SLC30A1: variants seen among roughly 807,000 people sequenced by gnomAD.
SLC30A1 encodes the protein proton-coupled zinc antiporter SLC30A1.
SLC30A1 carries 7 observed loss-of-function variants against 29.8 expected under a neutral mutation model. That is an observed-to-expected ratio of 0.23 (90% CI 0.13 to 0.44). The LOEUF (loss-of-function observed/expected upper bound fraction) is 0.44, where lower values mean the gene tolerates loss of function less well. SLC30A1 is among the 20% of genes least tolerant of loss of function. The pLI is 1.00. For synonymous variants in SLC30A1, 254 were observed against 253.5 expected, an observed-to-expected ratio of 1.00 and a Z score of -0.02; for missense variants, 446 against 647.9, an observed-to-expected ratio of 0.69 and a Z score of 3.38.
rs928076554 is a variant in SLC30A1 at position 211,578,257 on chromosome 1, A to AC, written c.355dup (p.Val119GlyfsTer48). ...GTTGACCAGCAGCCCGGCCACGCCG[A>AC]CCCCAAGGACCACCAGCGGCTGCTG... On this transcript the variant is annotated frameshift_variant, in exon 1 of 2. Transcript: ENST00000367001. LOFTEE classifies it high-confidence loss of function. 4 of 1,612,240 alleles carry AC rather than the reference A, an allele frequency of 2.5e-6. No individual in the cohort carries two copies. Among genetic ancestry groups the AC allele is most frequent in the East Asian group, 2.2e-5 (1 of 44,818 alleles).
rs1706664606 is a variant in SLC30A1, at chr1:211,572,300, TTAAAA to T, written c.*3083_*3087del. 1 of 152,152 alleles carries T rather than the reference TTAAAA, an allele frequency of 6.6e-6. No homozygotes were observed. Among genetic ancestry groups the T allele is most frequent in the African/African-American group, 2.4e-5 (1 of 41,456 alleles). 9.4% of individuals were successfully genotyped at this position (152,152 alleles called of 1,614,324 possible). On this transcript the variant is annotated 3_prime_UTR_variant, in exon 2 of 2. Transcript: ENST00000367001. ...TTTATGACTTAACTGAAACTCAGTA[TTAAAA>T]TAAATATTTTTATATTGTAGAATTA...
At position 211,577,389 on chromosome 1, in the gene SLC30A1, T is replaced by A. The variant is rs1706732520; in HGVS notation, c.622+602A>T. Among the ~76,000 whole-genome samples, 1 of 152,250 alleles carries A rather than the reference T, an allele frequency of 6.6e-6. No homozygotes were observed. Among genetic ancestry groups the A allele is most frequent in the Non-Finnish European group, 1.5e-5 (1 of 68,036 alleles). On this transcript the variant is annotated intron_variant, in intron 1 of 1. Coordinates refer to ENST00000367001, the MANE Select transcript of SLC30A1 (RefSeq NM_021194.3). This position sits in a 1 kb window ranked among gnomAD's most constrained non-coding sequence, Gnocchi z 4.5. ...ATGTTAAACATGCCCAGACAGGTCCTAAATCTATGATTTCCAGGATTAGGG... is the reference window on the plus strand; with the variant it reads ...ATGTTAAACATGCCCAGACAGGTCCAAAATCTATGATTTCCAGGATTAGGG...
In SLC30A1 at chr1:211,573,633, G is replaced by A. The variant is rs1483767205; in HGVS notation, c.*1755C>T. 1 of 151,846 alleles carries A rather than the reference G, an allele frequency of 6.6e-6. No individual in the cohort carries two copies. The highest frequency in any genetic ancestry group is 1.5e-5 in the Non-Finnish European group (1 of 67,866). The allele number at this position is 151,846 out of a possible 1,614,324, so 9.4% of individuals were successfully genotyped here. A position where few individuals can be genotyped will look rare whatever the true frequency, so the allele number is the denominator to read the frequency against. On this transcript the variant is annotated 3_prime_UTR_variant, in exon 2 of 2. Coordinates refer to ENST00000367001, the MANE Select transcript of SLC30A1 (RefSeq NM_021194.3). ...CCCAGATGAGATCCCTCAATTTCAT[G>A]TTTAAAAAAAACCACCCAAACCTTT...
rs768948793 is a variant in SLC30A1, at chr1:211,578,646, G to T, written c.-34C>A. 2 of 1,493,514 alleles carry T rather than the reference G, an allele frequency of 1.3e-6. No individual in the cohort carries two copies. The highest frequency in any genetic ancestry group is 2.8e-5 in the African/African-American group (2 of 71,442). The allele number at this position is 1,493,514 out of a possible 1,614,324, so 92.5% of individuals were successfully genotyped here. On this transcript the variant is annotated 5_prime_UTR_variant, in exon 1 of 2. Transcript: ENST00000367001. Reference sequence around the variant, plus strand: ...CTGCGGGGCCCGCCGAGCCCGGCCCGGAGACTGGTGCAGCGGCGGCGTTGG... The same window carrying T: ...CTGCGGGGCCCGCCGAGCCCGGCCCTGAGACTGGTGCAGCGGCGGCGTTGG...
In SLC30A1 at chr1:211,578,773, G is replaced by A. The variant is rs1170062150; in HGVS notation, c.-161C>T. 5 of 567,378 alleles carry A rather than the reference G, an allele frequency of 8.8e-6. No homozygotes were observed. The highest frequency in any genetic ancestry group is 2.0e-5 in the African/African-American group (1 of 50,932). 35.1% of individuals were successfully genotyped at this position (567,378 alleles called of 1,614,324 possible). On this transcript the variant is annotated 5_prime_UTR_variant, in exon 1 of 2. Coordinates refer to ENST00000367001, the MANE Select transcript of SLC30A1 (RefSeq NM_021194.3). ...CCGCGGCCGCACGGGGACAAGCCCG[G>A]GTCAAGCCGCCGAGCCCCGCGCCTG... is the stretch of plus-strand genomic sequence containing the variant.
chr1:211,578,086 T>C lies in SLC30A1; in HGVS notation c.527A>G (p.Asn176Ser), dbSNP rs373955261. Residue 176 changes from asparagine (N) to serine (S), a missense_variant, in exon 1 of 2, where the codon AAC (asparagine) becomes AGC (serine). Physicochemically the swap from Asn to Ser is conservative, Grantham distance 46 (BLOSUM62 1). Transcript: ENST00000367001. Reference sequence around the variant, plus strand: ...GGGACCCTGCTCGCCCGGGGCCACGTTGATGTCGCTGCTCCCGGGGCGGGT... The same window carrying C: ...GGGACCCTGCTCGCCCGGGGCCACGCTGATGTCGCTGCTCCCGGGGCGGGT... ...KSTRPGSSDI[N>S]VAPGEQGPDQ... The C allele has an allele frequency of 2.8e-5, 45 of 1,612,112 alleles. 1 individual carries two copies. The Middle Eastern group carries it at 5.0e-4, about 18-fold the overall frequency.
chr1:211,574,442 T>C lies in SLC30A1; in HGVS notation c.*946A>G, dbSNP rs937824973. Reference sequence around the variant, plus strand: ...AAGCTCCATTTAAATCCATTCATGATTGGTTATCATGAAATGACCTTGAAA... The same window carrying C: ...AAGCTCCATTTAAATCCATTCATGACTGGTTATCATGAAATGACCTTGAAA... On this transcript the variant is annotated 3_prime_UTR_variant, in exon 2 of 2. Transcript: ENST00000367001. 3 of 152,136 alleles carry C rather than the reference T, an allele frequency of 2.0e-5. No homozygotes were observed. The highest frequency in any genetic ancestry group is 1.3e-4 in the Admixed American group (2 of 15,272). 9.4% of individuals were successfully genotyped at this position (152,136 alleles called of 1,614,324 possible).
chr1:211,574,314 T>C lies in SLC30A1; in HGVS notation c.*1074A>G, dbSNP rs773544496. ...TAATTAATTTTGCTTTAATTATTAA[T>C]TTTGCTAAGAATTTAATATCCAAAC... On this transcript the variant is annotated 3_prime_UTR_variant, in exon 2 of 2. Coordinates refer to ENST00000367001, the MANE Select transcript of SLC30A1 (RefSeq NM_021194.3). 2.0e-5 allele frequency: 3 copies of C among 152,096 alleles called. No homozygotes were observed. The highest frequency in any genetic ancestry group is 4.4e-5 in the Non-Finnish European group (3 of 67,942). The allele number at this position is 152,096 out of a possible 1,614,324, so 9.4% of individuals were successfully genotyped here. A position where few individuals can be genotyped will look rare whatever the true frequency, so the allele number is the denominator to read the frequency against.
In SLC30A1 at chr1:211,573,498, T is replaced by C. The variant is rs1417088255; in HGVS notation, c.*1890A>G. 6.6e-6 allele frequency: 1 copy of C among 152,080 alleles called. No individual in the cohort carries two copies. Among genetic ancestry groups the C allele is most frequent in the South Asian group, 2.1e-4 (1 of 4,834 alleles). 9.4% of individuals were successfully genotyped at this position (152,080 alleles called of 1,614,324 possible). ...TATTTTATCAGTTATCTTTGTATCATTGCTGAAATGTTTATGTAACAAATT... is the reference window on the plus strand; with the variant it reads ...TATTTTATCAGTTATCTTTGTATCACTGCTGAAATGTTTATGTAACAAATT... On this transcript the variant is annotated 3_prime_UTR_variant, in exon 2 of 2. Coordinates refer to ENST00000367001, the MANE Select transcript of SLC30A1 (RefSeq NM_021194.3).
chr1:211,578,496 G>A lies in SLC30A1; in HGVS notation c.117C>T (p.Ser39=). 3 of 1,612,088 alleles carry A rather than the reference G, an allele frequency of 1.9e-6. No homozygotes were observed. The highest frequency in any genetic ancestry group is 1.7e-6 in the Non-Finnish European group (2 of 1,179,310). The part of the protein sequence containing the change: ...SRVTSSLAML[S]DSFHMLSDVL... ...CGTCCGACAGCATGTGGAAGGAGTC[G>A]GAGAGCATCGCCAGCGACGAGGTCA... Residue 39 remains serine, a synonymous_variant, in exon 1 of 2, where the codon TCC becomes TCT. Coordinates refer to ENST00000367001, the MANE Select transcript of SLC30A1 (RefSeq NM_021194.3).
rs531273395 is a variant in SLC30A1, at chr1:211,575,483, C to G, written c.1429G>C (p.Glu477Gln). The change falls in exon 2 of 2, where the codon GAG (glutamate) becomes CAG (glutamine). Residue 477 changes from glutamate to glutamine, a missense_variant. This residue lies in a region of SLC30A1 where 187 missense variants were observed against 312.7 expected (regional missense o/e 0.60). Transcript: ENST00000367001. The surrounding 1 kb of genome is among the most constrained non-coding windows in gnomAD (Gnocchi z 6.0). Reference protein sequence around the residue: ...ISCLELSNNLEKKPRRTKAEN... With the variant: ...ISCLELSNNLQKKPRRTKAEN... ...GCTTTAGTCCTCCTGGGCTTCTTCT[C>G]TAGATTGTTACTAAGTTCTAAACAA... The G allele has an allele frequency of 6.2e-7, 1 of 1,614,166 alleles. No individual in the cohort carries two copies. Among genetic ancestry groups the G allele is most frequent in the East Asian group, 2.2e-5 (1 of 44,890 alleles).
At position 211,574,811 on chromosome 1, in the gene SLC30A1, T is replaced by C. The variant is rs1230113247; in HGVS notation, c.*577A>G. On this transcript the variant is annotated 3_prime_UTR_variant, in exon 2 of 2. Coordinates refer to ENST00000367001, the MANE Select transcript of SLC30A1 (RefSeq NM_021194.3). ...AAACTGTAGTTCAATTTGTTAATTA[T>C]CTTACTGTTTAATAGCCAGCAATAC... The C allele has an allele frequency of 6.6e-6, 1 of 152,238 alleles. No individual in the cohort carries two copies. Among genetic ancestry groups the C allele is most frequent in the Non-Finnish European group, 1.5e-5 (1 of 68,040 alleles). The allele number at this position is 152,238 out of a possible 1,614,324, so 9.4% of individuals were successfully genotyped here.
chr1:211,578,222 G>C lies in SLC30A1; in HGVS notation c.391C>G (p.Leu131Val). ...CCGCTGTGATGGTGGAAGAGGCAGA[G>C]CCCCAGCACGTTGACCAGCAGCCCG... ...VAGLLVNVLG[L>V]CLFHHHSGFS... The change falls in exon 1 of 2, where the codon CTC becomes GTC. Residue 131 changes from leucine to valine, a missense_variant. Physicochemically the swap from Leu to Val is conservative, Grantham distance 32 (BLOSUM62 1). Around this residue, in one of 5 missense-constraint regions of SLC30A1, gnomAD observed 159 missense variants for 161.1 expected, o/e 0.99. Transcript: ENST00000367001. The C allele has an allele frequency of 6.2e-7, 1 of 1,611,424 alleles. No individual in the cohort carries two copies.
Position 211,572,952 on chromosome 1 carries a change from G to A in SLC30A1, c.*2436C>T, listed in dbSNP as rs1319174086. ...AGATGCAACTCCTAAAACTGATGCAGTGTTATAAAATAGCATATTTAAATA... is the reference window on the plus strand; with the variant it reads ...AGATGCAACTCCTAAAACTGATGCAATGTTATAAAATAGCATATTTAAATA... On this transcript the variant is annotated 3_prime_UTR_variant, in exon 2 of 2. Transcript: ENST00000367001. 6.6e-6 allele frequency: 1 copy of A among 152,094 alleles called. No homozygotes were observed. Among genetic ancestry groups the A allele is most frequent in the Non-Finnish European group, 1.5e-5 (1 of 67,930 alleles). The allele number at this position is 152,094 out of a possible 1,614,324, so 9.4% of individuals were successfully genotyped here.
In SLC30A1 at chr1:211,575,471, T is replaced by C; in HGVS notation, c.1441A>G (p.Arg481Gly). The C allele has an allele frequency of 1.2e-6, 2 of 1,614,178 alleles. No homozygotes were observed. The highest frequency in any genetic ancestry group is 1.7e-6 in the Non-Finnish European group (2 of 1,179,984). The change falls in exon 2 of 2, where the codon AGG becomes GGG. Residue 481 changes from arginine (R) to glycine (G), a missense_variant. Physicochemically the swap from Arg to Gly is moderately radical, Grantham distance 125. This residue lies in a region of SLC30A1 where 187 missense variants were observed against 312.7 expected (regional missense o/e 0.60). Coordinates refer to ENST00000367001, the MANE Select transcript of SLC30A1 (RefSeq NM_021194.3). The surrounding 1 kb of genome is among the most constrained non-coding windows in gnomAD (Gnocchi z 6.0). Reference protein sequence around the residue: ...ELSNNLEKKPRRTKAENIPAV... With the variant: ...ELSNNLEKKPGRTKAENIPAV... ...GGGATGTTTTCAGCTTTAGTCCTCC[T>C]GGGCTTCTTCTCTAGATTGTTACTA...
rs1706686315 is a variant in SLC30A1, at chr1:211,573,920, T to A, written c.*1468A>T. ...AAAGATCATCCCTTTAAAAAGTAACTGTCAAATCCTAACACTTTTTCCTCT... is the reference window on the plus strand; with the variant it reads ...AAAGATCATCCCTTTAAAAAGTAACAGTCAAATCCTAACACTTTTTCCTCT... On this transcript the variant is annotated 3_prime_UTR_variant, in exon 2 of 2. Transcript: ENST00000367001. 6.6e-6 allele frequency: 1 copy of A among 152,498 alleles called. No homozygotes were observed. Among genetic ancestry groups the A allele is most frequent in the African/African-American group, 2.4e-5 (1 of 41,442 alleles). The allele number at this position is 152,498 out of a possible 1,614,324, so 9.4% of individuals were successfully genotyped here.
Position 211,578,231 on chromosome 1 carries a change from C to T in SLC30A1, c.382G>A (p.Val128Met), listed in dbSNP as rs750985120. 26 of 1,611,746 alleles carry T rather than the reference C, an allele frequency of 1.6e-5. No individual in the cohort carries two copies. Among genetic ancestry groups the T allele is most frequent in the Admixed American group, 3.3e-5 (2 of 59,784 alleles). Residue 128 changes from valine to methionine, a missense_variant, in exon 1 of 2, where the codon GTG becomes ATG. By Grantham distance (21) the Val-to-Met change is conservative. Around this residue, in one of 5 missense-constraint regions of SLC30A1, gnomAD observed 159 missense variants for 161.1 expected, o/e 0.99. Transcript: ENST00000367001. Reference sequence around the variant, plus strand: ...TGGTGGAAGAGGCAGAGCCCCAGCACGTTGACCAGCAGCCCGGCCACGCCG... The same window carrying T: ...TGGTGGAAGAGGCAGAGCCCCAGCATGTTGACCAGCAGCCCGGCCACGCCG... The part of the protein sequence containing the change: ...GVGVAGLLVN[V>M]LGLCLFHHHS...
Position 211,575,924 on chromosome 1 carries a change from A to G in SLC30A1, c.988T>C (p.Tyr330His). ...LCVVMVCILL[Y>H]TTYPLLKESA... ...TCCTTAAGTAATGGATAGGTTGTGT[A>G]AAGAAGTATACAAACCATTACAACA... Residue 330 changes from tyrosine to histidine, a missense_variant, in exon 2 of 2, where the codon TAC becomes CAC. Transcript: ENST00000367001. This position sits in a 1 kb window ranked among gnomAD's most constrained non-coding sequence, Gnocchi z 6.0. 1 of 1,613,012 alleles carries G rather than the reference A, an allele frequency of 6.2e-7. No homozygotes were observed. The highest frequency in any genetic ancestry group is 8.5e-7 in the Non-Finnish European group (1 of 1,179,430).
rs1706656702 is a variant in SLC30A1, at chr1:211,571,851, AACAAC to A, written c.*3532_*3536del. 1 of 152,322 alleles carries A rather than the reference AACAAC, an allele frequency of 6.6e-6. No individual in the cohort carries two copies. The highest frequency in any genetic ancestry group is 2.1e-4 in the South Asian group (1 of 4,832). The allele number at this position is 152,322 out of a possible 1,614,324, so 9.4% of individuals were successfully genotyped here. A position where few individuals can be genotyped will look rare whatever the true frequency, so the allele number is the denominator to read the frequency against. Reference sequence around the variant, plus strand: ...AAAGGACAGGCAACAGAAGACACAAAACAACACAACATATAAGTTTCATAATCACA... The same window carrying A: ...AAAGGACAGGCAACAGAAGACACAAAACAACATATAAGTTTCATAATCACA... On this transcript the variant is annotated 3_prime_UTR_variant, in exon 2 of 2. Transcript: ENST00000367001.
Sources: gnomAD v4.1 joint callset for allele counts (sites outside exome capture counted in the v4.1 genomes callset) on GRCh38, gnomAD v4.1.1 for gene constraint, gnomAD v4.1.1 regional missense constraint, Gnocchi (gnomAD v3.1) non-coding constraint, MANE v1.5 for transcripts, NCBI Gene and HGNC (gene_info 2026-07-23, HGNC 2026-07-21) for gene names.